Variants in RAPGEF2 observed in about 807,000 individuals in gnomAD.
RAPGEF2 encodes PDZ domain containing guanine nucleotide exchange factor (GEF) 1.
Under a neutral mutation model 186.7 loss-of-function variants are expected in RAPGEF2, and 54 were observed. The ratio of observed to expected loss-of-function variants is 0.29; its 90% CI spans 0.23 to 0.36. The LOEUF (loss-of-function observed/expected upper bound fraction) is 0.36, where lower values mean the gene tolerates loss of function less well. RAPGEF2 is among the 10% of genes least tolerant of loss of function. RAPGEF2 has a pLI of 1.00. For missense variants in RAPGEF2, 1,532 were observed against 2,045.0 expected, an observed-to-expected ratio of 0.75 and a Z score of 4.84; for synonymous variants, 712 against 705.9, an observed-to-expected ratio of 1.01 and a Z score of -0.14.
intron 7 of RAPGEF2, among the ~76,000 whole-genome samples, chr4:159,269,316 C>T (rs1757813364): frequency 6.6e-6 from 1 of 152,078 alleles, no homozygotes; most frequent in Non-Finnish European, 1.5e-5. Context: ...ATGCGAGCTG[C>T]GCTTAAGGCA....
intron 7 of RAPGEF2, among the ~76,000 whole-genome samples, chr4:159,284,599 T>G (rs1760203915): frequency 6.6e-6 from 1 of 151,872 alleles, no homozygotes; most frequent in Admixed American, 6.6e-5. Context: ...TGGATTTCAT[T>G]CCAATAGACA....
rs545197029 is a variant in RAPGEF2 at position 159,200,504 on chromosome 4, A to T, written c.197+7248A>T. 2.2e-3 allele frequency among the ~76,000 whole-genome samples: 331 copies of T among 152,264 alleles called. 2 individuals are homozygous for T. The highest frequency in any genetic ancestry group is 7.4e-3 in the African/African-American group (307 of 41,538). Reference sequence around the variant, plus strand: ...AAAATAATAAATAATGAAAAAAATGATAACATTAATGAGCCTATAGAATAT... The same window carrying T: ...AAAATAATAAATAATGAAAAAAATGTTAACATTAATGAGCCTATAGAATAT... On this transcript the variant is annotated intron_variant, in intron 3 of 29. Transcript: ENST00000691494.
chr4:159,328,285 A>G (rs1047025686), intron 11 of RAPGEF2: 1 of 152,184 alleles, frequency 6.6e-6, no homozygotes, highest in Non-Finnish European at 1.5e-5. Context: ...TGTTAAGGAA[A>G]TTGCTCAGAA....
intron 4 of RAPGEF2, among the ~76,000 whole-genome samples, chr4:159,233,639 T>A (rs1752892692): frequency 6.6e-6 from 1 of 151,064 alleles, no homozygotes; most frequent in African/African-American, 2.4e-5. Flanking sequence ...GAGAAGGGGG[T>A]GAGGGATAAA....
rs867239438 is a variant in RAPGEF2, at chr4:159,277,188, C to A, written c.544-27154C>A. ...AACATGCAGTGTTTGGTTTTCTGTC[C>A]TTGTGATAGTTTGCTGAGAATGATG... is the stretch of plus-strand genomic sequence containing the variant. On this transcript the variant is annotated intron_variant, in intron 7 of 29. Transcript: ENST00000691494. Among the ~76,000 whole-genome samples, 9 of 151,778 alleles carry A rather than the reference C, an allele frequency of 5.9e-5. 2 individuals carry two copies. In the South Asian group the frequency reaches 1.9e-3, roughly 32 times the overall value.
At chr4:159,154,612 T>G (rs1038229681) in intron 1 of RAPGEF2, among the ~76,000 whole-genome samples, 2 of 152,120 alleles carry the variant, frequency 1.3e-5, no homozygotes, top group Non-Finnish European at 2.9e-5. Flanking sequence ...GTGATTGATG[T>G]TTAGCTATGT....
At chr4:159,257,295 C>T (rs116657849) in intron 7 of RAPGEF2, among the ~76,000 whole-genome samples, 1 of 152,164 alleles carries the variant, frequency 6.6e-6, no homozygotes, top group African/African-American at 2.4e-5. Context: ...ACAGTGCCAC[C>T]TGGCTGGGGA....
At chr4:159,201,720 G>A (rs542153703) in intron 3 of RAPGEF2, among the ~76,000 whole-genome samples, 21 of 152,266 alleles carry the variant, frequency 1.4e-4, no homozygotes, top group South Asian at 8.3e-4. Flanking sequence ...GAGAAGCTTC[G>A]GAAGTTGTCC....
At chr4:159,352,457 G>GT (rs1731326098) in intron 26 of RAPGEF2, 1 of 481,314 alleles carries the variant, frequency 2.1e-6, no homozygotes, top group Non-Finnish European at 3.7e-6. Context: ...TTCCTAGCTT[G>GT]TAGGATACTT....
intron 7 of RAPGEF2, among the ~76,000 whole-genome samples, chr4:159,301,862 A>G (rs1011879264): frequency 1.8e-4 from 27 of 152,246 alleles, no homozygotes; most frequent in East Asian, 1.9e-4. Flanking sequence ...CTGTCTTTAA[A>G]ATAAAAAATA....
intron 1 of RAPGEF2, among the ~76,000 whole-genome samples, chr4:159,158,626 TTGG>T (rs1309735170): frequency 6.6e-6 from 1 of 152,158 alleles, no homozygotes; most frequent in Non-Finnish European, 1.5e-5. Flanking sequence ...GTAGCAACCC[TTGG>T]TGGTCGCAAA....
intron 29 of RAPGEF2, among the ~76,000 whole-genome samples, chr4:159,357,310 A>G (rs1309286246): frequency 6.6e-6 from 1 of 152,200 alleles, no homozygotes; most frequent in Non-Finnish European, 1.5e-5. Flanking sequence ...GTGGTGACCC[A>G]TGATTGTGCC....
chr4:159,173,555 T>G, intron 1 of RAPGEF2, among the ~76,000 whole-genome samples: 1 of 152,160 alleles, frequency 6.6e-6, no homozygotes, highest in East Asian at 1.9e-4. Flanking sequence ...TCTAGGAGGT[T>G]TAACTGGAGC....
At chr4:159,219,379 G>T (rs1474894033) in intron 4 of RAPGEF2, among the ~76,000 whole-genome samples, 1 of 116,096 alleles carries the variant, frequency 8.6e-6, no homozygotes, top group Non-Finnish European at 1.6e-5. Context: ...TTTTTGAGAC[G>T]GAGTCTTGCT....
intron 3 of RAPGEF2, among the ~76,000 whole-genome samples, chr4:159,198,882 C>G (rs1390900952): frequency 6.6e-6 from 1 of 151,406 alleles, no homozygotes; most frequent in African/African-American, 2.4e-5. Flanking sequence ...GAGTTCGAGA[C>G]CAGCCTGGGC....
chr4:159,191,699 A>G (rs980216068), intron 2 of RAPGEF2, among the ~76,000 whole-genome samples: 1 of 152,190 alleles, frequency 6.6e-6, no homozygotes, highest in Non-Finnish European at 1.5e-5. Flanking sequence ...AGATCGCGCC[A>G]TGGCACTCCA....
chr4:159,162,936 A>G (rs1348810366), intron 1 of RAPGEF2, among the ~76,000 whole-genome samples: 1 of 152,152 alleles, frequency 6.6e-6, no homozygotes. Flanking sequence ...ATGAAATACC[A>G]GAGAGGTTAG....
At chr4:159,147,135 T>C (rs913642008) in intron 1 of RAPGEF2, among the ~76,000 whole-genome samples, 2 of 152,222 alleles carry the variant, frequency 1.3e-5, no homozygotes, top group Non-Finnish European at 2.9e-5. Flanking sequence ...TATTAACCAG[T>C]CTTTTCTTTT....
chr4:159,152,710 C>A (rs1342901059), intron 1 of RAPGEF2, among the ~76,000 whole-genome samples: 4 of 152,144 alleles, frequency 2.6e-5, no homozygotes, highest in Non-Finnish European at 4.4e-5. Flanking sequence ...CTCTGCCACC[C>A]AGGTTCACGC....
Sources: gnomAD v4.1 joint callset for allele counts (sites outside exome capture counted in the v4.1 genomes callset) on GRCh38, gnomAD v4.1.1 for gene constraint, MANE v1.5 for transcripts, NCBI Gene and HGNC (gene_info 2026-07-23, HGNC 2026-07-21) for gene names.